Variants in PDE4B observed in about 807,000 individuals in gnomAD.
PDE4B encodes the protein phosphodiesterase 4B.
A neutral mutation model predicts 82.2 loss-of-function variants in PDE4B; 20 were observed. The observed-to-expected ratio is 0.24, with a 90% CI of 0.17 to 0.35. The LOEUF (loss-of-function observed/expected upper bound fraction) is 0.35, where lower values mean the gene tolerates loss of function less well. PDE4B is among the 10% of genes least tolerant of loss of function. The pLI, the probability that PDE4B is intolerant of heterozygous loss-of-function variation, is 1.00. For missense variants in PDE4B, 655 were observed against 907.2 expected, an observed-to-expected ratio of 0.72 and a Z score of 3.57; for synonymous variants, 320 against 318.9, an observed-to-expected ratio of 1.00 and a Z score of -0.04.
chr1:65,992,827 G>A (rs1316818149), intron 3 of PDE4B: 3 of 1,523,704 alleles, frequency 2.0e-6, no homozygotes, highest in Non-Finnish European at 2.6e-6. Context: ...AGACTTATCA[G>A]TCTTCTGACC....
At chr1:65,840,463 A>G (rs954258073) in intron 1 of PDE4B, among the ~76,000 whole-genome samples, 31 of 152,198 alleles carry the variant, frequency 2.0e-4, no homozygotes, top group African/African-American at 6.3e-4. Context: ...TTACAATTTT[A>G]TTATAACTTT....
At chr1:66,154,264 A>T (rs770164261) in intron 3 of PDE4B, among the ~76,000 whole-genome samples, 12 of 152,138 alleles carry the variant, frequency 7.9e-5, no homozygotes, top group Non-Finnish European at 1.3e-4. Flanking sequence ...ACTGTTTTTC[A>T]TCTCTGTAAT....
chr1:66,372,755 G>A lies in PDE4B; in HGVS notation c.*77G>A. The stretch of plus-strand genomic sequence containing the variant: ...TATGTGGTAGGGCCAGCCCACCATG[G>A]GGGCCAAGACCTGCACAGGACAAGG... On this transcript the variant is annotated 3_prime_UTR_variant, in exon 17 of 17. Coordinates refer to ENST00000341517, the MANE Select transcript of PDE4B (RefSeq NM_002600.4). The A allele has an allele frequency of 1.3e-6, 2 of 1,484,034 alleles. No individual in the cohort carries two copies. Among genetic ancestry groups the A allele is most frequent in the Non-Finnish European group, 9.2e-7 (1 of 1,092,234 alleles). 91.9% of individuals were successfully genotyped at this position (1,484,034 alleles called of 1,614,324 possible).
chr1:65,978,274 C>T (rs988871850), intron 3 of PDE4B, among the ~76,000 whole-genome samples: 4 of 152,070 alleles, frequency 2.6e-5, no homozygotes, highest in African/African-American at 9.6e-5. Flanking sequence ...GTGATCCACC[C>T]GCCTTGGCCT....
intron 8 of PDE4B, among the ~76,000 whole-genome samples, chr1:66,350,285 A>T (rs1254584649): frequency 6.6e-6 from 1 of 152,132 alleles, no homozygotes; most frequent in East Asian, 1.9e-4. Context: ...AAGATCCCAC[A>T]CAATAAGGCG....
At chr1:66,330,113 G>A (rs1265150364) in intron 7 of PDE4B, among the ~76,000 whole-genome samples, 1 of 152,214 alleles carries the variant, frequency 6.6e-6, no homozygotes, top group African/African-American at 2.4e-5. Context: ...AGACTATAAA[G>A]TGGACACAAA....
At chr1:66,015,283 TTTTGGCC>T (rs1652705798) in intron 3 of PDE4B, among the ~76,000 whole-genome samples, 1 of 152,126 alleles carries the variant, frequency 6.6e-6, no homozygotes, top group Admixed American at 6.6e-5. Context: ...CTAGAGATTG[TTTTGGCC>T]TAGCTGCTCC....
intron 1 of PDE4B, among the ~76,000 whole-genome samples, chr1:65,904,896 G>A (rs1264293627): frequency 6.6e-6 from 1 of 152,136 alleles, no homozygotes; most frequent in African/African-American, 2.4e-5. Flanking sequence ...CTGCCATAAA[G>A]TTATTCATAT....
chr1:66,243,365 T>A (rs1451448406), intron 3 of PDE4B, among the ~76,000 whole-genome samples: 1 of 152,198 alleles, frequency 6.6e-6, no homozygotes, highest in Non-Finnish European at 1.5e-5. Flanking sequence ...ACCTACTGTT[T>A]ACAAGGCTCT....
rs556148461 is a variant in PDE4B, at chr1:66,242,964, G to A, written c.282-4496G>A. Among the ~76,000 whole-genome samples the A allele has an allele frequency of 2.7e-4, 41 of 152,282 alleles. 1 individual carries two copies. Among genetic ancestry groups the A allele is most frequent in the Admixed American group, 2.0e-3 (31 of 15,292 alleles). The stretch of plus-strand genomic sequence containing the variant: ...GGAGAATAACTGTGGGCCAGAGAAC[G>A]TTCCTGCTCATATTGAAAAATGAAG... On this transcript the variant is annotated intron_variant, in intron 3 of 16. Coordinates refer to ENST00000341517, the MANE Select transcript of PDE4B (RefSeq NM_002600.4).
intron 3 of PDE4B, among the ~76,000 whole-genome samples, chr1:66,056,580 T>C (rs1450988375): frequency 6.6e-6 from 1 of 151,838 alleles, no homozygotes; most frequent in East Asian, 1.9e-4. Flanking sequence ...GGAAGAAACT[T>C]TGTGGATGTG....
At chr1:66,267,562 G>A (rs1436307783) in intron 7 of PDE4B, 2 of 152,204 alleles carry the variant, frequency 1.3e-5, no homozygotes, top group African/African-American at 4.8e-5. Context: ...AACCAAAGAT[G>A]TGGTTGGAAA....
rs1647117054 is a variant in PDE4B at position 65,913,238 on chromosome 1, C to T, written c.-70-7C>T. ...TGTTCTTTTTTGTGTGTTTTTTTCT[C>T]CTGTAGGTATTAAAAAGTGTCAGCA... On this transcript the variant is annotated splice_region_variant and splice_polypyrimidine_tract_variant and intron_variant, in intron 1 of 16. Coordinates refer to ENST00000341517, the MANE Select transcript of PDE4B (RefSeq NM_002600.4). 15 of 1,246,412 alleles carry T rather than the reference C, an allele frequency of 1.2e-5. No individual in the cohort carries two copies. The highest frequency in any genetic ancestry group is 1.9e-4 in the Middle Eastern group (1 of 5,326). The allele number at this position is 1,246,412 out of a possible 1,614,324, so 77.2% of individuals were successfully genotyped here.
chr1:66,076,957 T>C (rs2100945216), intron 3 of PDE4B, among the ~76,000 whole-genome samples: 1 of 152,306 alleles, frequency 6.6e-6, no homozygotes, highest in South Asian at 2.1e-4. Flanking sequence ...TCCCTTATTC[T>C]GTAAGTTGTC....
At chr1:66,341,755 G>A (rs912423805) in intron 8 of PDE4B, among the ~76,000 whole-genome samples, 1 of 152,116 alleles carries the variant, frequency 6.6e-6, no homozygotes, top group Non-Finnish European at 1.5e-5. Flanking sequence ...TTAAGCCTTG[G>A]GTTCTCTCTG....
At chr1:66,229,860 A>G (rs1025412986) in intron 3 of PDE4B, among the ~76,000 whole-genome samples, 15 of 152,232 alleles carry the variant, frequency 9.9e-5, no homozygotes, top group Non-Finnish European at 1.8e-4. Context: ...TACACGAGGA[A>G]ACTAAATCTC....
At chr1:65,884,308 G>C (rs1646746000) in intron 1 of PDE4B, among the ~76,000 whole-genome samples, 1 of 152,070 alleles carries the variant, frequency 6.6e-6, no homozygotes, top group Admixed American at 6.6e-5. Context: ...TGGTTGGTAG[G>C]CTATTAATTA....
intron 1 of PDE4B, among the ~76,000 whole-genome samples, chr1:65,852,687 A>G (rs978385364): frequency 6.6e-6 from 1 of 151,994 alleles, no homozygotes; most frequent in Non-Finnish European, 1.5e-5. Context: ...ATCTACATTT[A>G]CTTGGGGATT....
intron 3 of PDE4B, among the ~76,000 whole-genome samples, chr1:66,000,903 A>C (rs1196421844): frequency 6.6e-6 from 1 of 152,188 alleles, no homozygotes; most frequent in Non-Finnish European, 1.5e-5. Context: ...AGATTCCTCG[A>C]AAAAGAGGGT....
Sources: allele counts gnomAD v4.1 joint callset (sites outside exome capture counted in the v4.1 genomes callset), GRCh38; gene constraint gnomAD v4.1.1; transcripts MANE v1.5; gene names NCBI Gene and HGNC (gene_info 2026-07-23, HGNC 2026-07-21).